Variants in LARP1 observed in about 807,000 individuals in gnomAD.
The protein encoded by LARP1 is la-related protein 1.
In LARP1, 36 loss-of-function variants were observed where a neutral mutation model predicts 122.7. The ratio of observed to expected loss-of-function variants is 0.29; its 90% CI spans 0.22 to 0.39. LARP1 has a LOEUF of 0.39. Ranked by LOEUF, LARP1 falls within the 10% of genes least tolerant of loss-of-function variation. LARP1 has a pLI of 1.00. For missense variants in LARP1, 1,040 were observed against 1,403.6 expected (o/e 0.74, Z 4.14); for synonymous variants, 539 against 528.7 (o/e 1.02, Z -0.27).
rs530063368 is a variant in LARP1, at chr5:154,722,215, G to C, written c.205+9085G>C. Among the ~76,000 whole-genome samples, 3 of 152,282 alleles carry C rather than the reference G, an allele frequency of 2.0e-5. No individual in the cohort carries two copies. The South Asian group carries it at 6.2e-4, about 32-fold the overall frequency. ...CTAGACTCCGCATGATCTGCCTTCA[G>C]CTTCCCCGCCCTCTCCCTTTTTCCA... On this transcript the variant is annotated intron_variant, in intron 1 of 18. Transcript: ENST00000336314.
chr5:154,719,215 C>G (rs1755703589), intron 1 of LARP1, among the ~76,000 whole-genome samples: 2 of 152,152 alleles, frequency 1.3e-5, no homozygotes, highest in African/African-American at 4.8e-5. Context: ...TACTCCTGTC[C>G]CAGTTTCCTG....
intron 1 of LARP1, among the ~76,000 whole-genome samples, chr5:154,788,601 G>A (rs567202879): frequency 2.6e-5 from 4 of 152,296 alleles, no homozygotes; most frequent in Non-Finnish European, 5.9e-5. Context: ...TAGGGGAGAA[G>A]TCGGTGAGCA....
chr5:154,758,501 C>T (rs1754185443), intron 1 of LARP1, among the ~76,000 whole-genome samples: 1 of 152,164 alleles, frequency 6.6e-6, no homozygotes, highest in South Asian at 2.1e-4. Flanking sequence ...AGAGAGAATT[C>T]TATGATTGGG....
chr5:154,795,152 A>AACTACTTCTTCCCTCCACTTAGTGAAT, intron 7 of LARP1, 23 bp from the exon 8 acceptor site: 1 of 1,611,818 alleles, frequency 6.2e-7, no homozygotes, highest in Non-Finnish European at 8.5e-7. Flanking sequence ...CCTCGGTGAT[A>AACTACTTCTTCCCTCCACTTAGTGAAT]ACTACTTCTT....
At chr5:154,711,692 A>G (rs559900152), upstream of LARP1, among the ~76,000 whole-genome samples, 6 of 152,346 alleles carry the variant, frequency 3.9e-5, no homozygotes, top group South Asian at 1.2e-3. Flanking sequence ...ATTACCTTCC[A>G]GGAATAAATA....
intron 1 of LARP1, among the ~76,000 whole-genome samples, chr5:154,768,407 A>G (rs908692322): frequency 1.3e-5 from 2 of 152,224 alleles, no homozygotes; most frequent in Non-Finnish European, 2.9e-5. Context: ...GTCACCTGTC[A>G]GTCCAGCCCA....
At chr5:154,778,822 T>C (rs542308611) in intron 1 of LARP1, among the ~76,000 whole-genome samples, 4 of 152,362 alleles carry the variant, frequency 2.6e-5, no homozygotes, top group African/African-American at 9.6e-5. Flanking sequence ...TTCCTAACTA[T>C]GGTGTCCAGT....
At chr5:154,766,562 A>G (rs887704531) in intron 1 of LARP1, among the ~76,000 whole-genome samples, 1 of 152,154 alleles carries the variant, frequency 6.6e-6, no homozygotes, top group Non-Finnish European at 1.5e-5. Context: ...GAACTGGTTG[A>G]GCTCATGCTT....
At chr5:154,694,281 G>C (rs1754368890) in intron 1 of LARP1, among the ~76,000 whole-genome samples, 1 of 152,058 alleles carries the variant, frequency 6.6e-6, no homozygotes, top group Admixed American at 6.6e-5. Flanking sequence ...TTTTGAGACA[G>C]GGTCTCACTC....
At chr5:154,790,847 C>G in intron 3 of LARP1, 137 bp downstream of exon 3, 1 of 812,484 alleles carries the variant, frequency 1.2e-6, no homozygotes, top group Non-Finnish European at 2.0e-6. Flanking sequence ...AACAGAGTTT[C>G]ACTCTTTTTG....
intron 1 of LARP1, among the ~76,000 whole-genome samples, chr5:154,683,151 C>CG (rs986988651): frequency 6.6e-6 from 1 of 152,224 alleles, no homozygotes; most frequent in Non-Finnish European, 1.5e-5. Context: ...CGGTGGGGGA[C>CG]GGGCGACGGG....
At chr5:154,729,259 C>G (rs902741349) in intron 1 of LARP1, 2 of 170,406 alleles carry the variant, frequency 1.2e-5, no homozygotes, top group African/African-American at 4.8e-5. Flanking sequence ...AAGAGAAGCA[C>G]CTAATACATG....
upstream of LARP1, among the ~76,000 whole-genome samples, chr5:154,751,054 G>C (rs1412735638): frequency 1.3e-5 from 2 of 151,830 alleles, no homozygotes; most frequent in Admixed American, 1.3e-4. Context: ...CAATTATTTG[G>C]TTCCTCTAAT....
chr5:154,790,276 C>T, intron 1 of LARP1, 49 bp from the exon 2 acceptor site: 1 of 1,514,548 alleles, frequency 6.6e-7, no homozygotes, highest in Non-Finnish European at 9.1e-7. Flanking sequence ...TGGCAGTAGC[C>T]CCCTCACATG....
At chr5:154,745,081 C>T (rs1020718010) in intron 1 of LARP1, among the ~76,000 whole-genome samples, 2 of 151,656 alleles carry the variant, frequency 1.3e-5, no homozygotes, top group Admixed American at 6.6e-5. Flanking sequence ...TGGCATGCCA[C>T]CACACCCAGC....
At chr5:154,722,811 G>A (rs1284944873) in intron 1 of LARP1, among the ~76,000 whole-genome samples, 1 of 151,650 alleles carries the variant, frequency 6.6e-6, no homozygotes, top group East Asian at 1.9e-4. Flanking sequence ...CTCCTGAGTA[G>A]CTGGAACTAC....
rs2113073171 is a variant in LARP1, at chr5:154,814,448, G to A, written c.*352G>A. On this transcript the variant is annotated 3_prime_UTR_variant, in exon 19 of 19. Coordinates refer to ENST00000518297, the MANE Select transcript of LARP1 (RefSeq NM_033551.3). Reference sequence around the variant, plus strand: ...CCAAAATCACTCTGCAGCCCTGCCCGAGGCTAGTAGGCTGCAACCCTGGTC... The same window carrying A: ...CCAAAATCACTCTGCAGCCCTGCCCAAGGCTAGTAGGCTGCAACCCTGGTC... The A allele has an allele frequency of 6.5e-6, 1 of 152,928 alleles. No homozygotes were observed. Among genetic ancestry groups the A allele is most frequent in the South Asian group, 2.1e-4 (1 of 4,834 alleles). 9.5% of individuals were successfully genotyped at this position (152,928 alleles called of 1,614,324 possible). A position where few individuals can be genotyped will look rare whatever the true frequency, so the allele number is the denominator to read the frequency against.
chr5:154,787,872 T>C (rs1346813763), intron 1 of LARP1, among the ~76,000 whole-genome samples: 1 of 152,242 alleles, frequency 6.6e-6, no homozygotes, highest in Non-Finnish European at 1.5e-5. Context: ...GTGAGGTCTT[T>C]TCATGGCACT....
At chr5:154,721,820 A>T (rs1755888536) in intron 1 of LARP1, among the ~76,000 whole-genome samples, 1 of 152,190 alleles carries the variant, frequency 6.6e-6, no homozygotes, top group African/African-American at 2.4e-5. Context: ...ATTTGTCTCC[A>T]CGGCCTGGCA....
Sources: allele counts gnomAD v4.1 joint callset (sites outside exome capture counted in the v4.1 genomes callset), GRCh38; gene constraint gnomAD v4.1.1; transcripts MANE v1.5; gene names NCBI Gene and HGNC (gene_info 2026-07-23, HGNC 2026-07-21).